PRDM7: variants seen among roughly 807,000 people sequenced by gnomAD.
The protein encoded by PRDM7 is histone-lysine N-methyltransferase PRDM7.
In PRDM7, 52 loss-of-function variants were observed where a neutral mutation model predicts 64.3. The observed-to-expected ratio is 0.81, with a 90% CI of 0.65 to 1.02. The LOEUF is 1.02. Among genes scored for constraint, PRDM7 ranks in the 50% least tolerant of loss-of-function variants. The pLI, the probability that PRDM7 is intolerant of heterozygous loss-of-function variation, is 0.00. For synonymous variants in PRDM7, 192 were observed against 210.1 expected, an observed-to-expected ratio of 0.91 and a Z score of 0.74; for missense variants, 574 against 597.1, an observed-to-expected ratio of 0.96 and a Z score of 0.40.
chr16:90,061,234 G>T (rs1214586470), intron 9 of PRDM7, among the ~76,000 whole-genome samples: 3 of 152,118 alleles, frequency 2.0e-5, no homozygotes, highest in Admixed American at 6.5e-5. Flanking sequence ...CCTCAATTTT[G>T]TCTAGCATAC....
chr16:90,067,924 G>A (rs1216920554), intron 4 of PRDM7, among the ~76,000 whole-genome samples: 2 of 151,246 alleles, frequency 1.3e-5, no homozygotes, highest in Non-Finnish European at 2.9e-5. Context: ...AGTCGATGAT[G>A]AAAAACTGAA....
intron 4 of PRDM7, among the ~76,000 whole-genome samples, chr16:90,070,643 C>T (rs1411869882): frequency 6.6e-6 from 1 of 151,234 alleles, no homozygotes; most frequent in Non-Finnish European, 1.5e-5. Flanking sequence ...ATTTCTTCTC[C>T]TTCCTGCTGT....
chr16:90,058,143 T>C lies in PRDM7; in HGVS notation c.*146A>G. On this transcript the variant is annotated 3_prime_UTR_variant, in exon 11 of 11. Coordinates refer to ENST00000449207, the MANE Select transcript of PRDM7 (RefSeq NM_001098173.2). ...TTCTTGAGATTCCTACCCCCACAAA[T>C]AATTTGCCTGTGTTCCCTGGATTCA... 8 of 1,614,202 alleles carry C rather than the reference T, an allele frequency of 5.0e-6. No individual in the cohort carries two copies. The highest frequency in any genetic ancestry group is 6.8e-6 in the Non-Finnish European group (8 of 1,180,030).
intron 6 of PRDM7, among the ~76,000 whole-genome samples, chr16:90,063,051 G>T (rs1302217644): frequency 6.6e-6 from 1 of 152,186 alleles, no homozygotes. Context: ...CCATTCAGGA[G>T]CCCATGGAAT....
chr16:90,062,360 C>T (rs767777799), intron 7 of PRDM7, 41 bp downstream of exon 7: 12 of 1,613,688 alleles, frequency 7.4e-6, no homozygotes, highest in Non-Finnish European at 8.5e-6. Context: ...TGTACCAGGA[C>T]ATAACAGCAA....
At chr16:90,062,603 C>G in intron 6 of PRDM7, 101 bp from the exon 7 acceptor site, 1 of 1,034,830 alleles carries the variant, frequency 9.7e-7, no homozygotes, top group Admixed American at 1.7e-5. Flanking sequence ...TTAGCATCTA[C>G]CTTTCTACAT....
At chr16:90,062,581 C>A in intron 6 of PRDM7, 79 bp from the exon 7 acceptor site, 1 of 1,235,200 alleles carries the variant, frequency 8.1e-7, no homozygotes. Context: ...TGTGAAATCT[C>A]CTACCATCAA....
rs367564286 is a variant in PRDM7 at position 90,058,454 on chromosome 16, G to A, written c.1314C>T (p.Asn438=). ...GGGAAGTTCTGAGAGGAGTGATTGC[G>A]TTCCACATGTTGACTGAGAAATTTT... ...QVKNFSVNMW[N]AITPLRTSQD... The change falls in exon 11 of 11, where the codon AAC becomes AAT. Residue 438 remains asparagine (N), a synonymous_variant. Coordinates refer to ENST00000449207, the MANE Select transcript of PRDM7 (RefSeq NM_001098173.2). 41 of 1,614,148 alleles carry A rather than the reference G, an allele frequency of 2.5e-5. No homozygotes were observed. The highest frequency in any genetic ancestry group is 1.6e-4 in the African/African-American group (12 of 75,030).
rs1461002070 is a variant in PRDM7, at chr16:90,063,751, T to A, written c.369A>T (p.Ser123=). ...SKHQKGMPKA[S]FNNESSLREL... ...CTCTCAAACTAGATTCATTATTGAATGACGCCTTGGGCATTCCCTTTAATG... is the reference window on the plus strand; with the variant it reads ...CTCTCAAACTAGATTCATTATTGAAAGACGCCTTGGGCATTCCCTTTAATG... Residue 123 remains serine, a synonymous_variant, in exon 6 of 11, where the codon TCA becomes TCT. Coordinates refer to ENST00000449207, the MANE Select transcript of PRDM7 (RefSeq NM_001098173.2). 5 of 1,614,124 alleles carry A rather than the reference T, an allele frequency of 3.1e-6. No individual in the cohort carries two copies. Among genetic ancestry groups the A allele is most frequent in the Non-Finnish European group, 4.2e-6 (5 of 1,180,042 alleles).
Position 90,061,457 on chromosome 16 carries a change from C to T in PRDM7, c.945G>A (p.Trp315Ter). The T allele has an allele frequency of 6.3e-7, 1 of 1,599,256 alleles. No homozygotes were observed. Among genetic ancestry groups the T allele is most frequent in the South Asian group, 1.1e-5 (1 of 90,760 alleles). Reference sequence around the variant, plus strand: ...AAGAGACCTAGTGGCCTTACCTCATCCAGTTGGCCGAGGATTTATCTTTTC... The same window carrying T: ...AAGAGACCTAGTGGCCTTACCTCATTCAGTTGGCCGAGGATTTATCTTTTC... ...VDGKDKSSANWMRYVNCARDD... is the reference protein window; with the variant it reads ...VDGKDKSSAN The change falls in exon 9 of 11, where the codon TGG (tryptophan) becomes TGA (stop). Residue 315 changes from tryptophan (W) to a stop codon, truncating the protein, a stop_gained. Coordinates refer to ENST00000449207, the MANE Select transcript of PRDM7 (RefSeq NM_001098173.2). LOFTEE classifies it high-confidence loss of function.
Position 90,075,317 on chromosome 16 carries a change from C to T in PRDM7, c.193+34G>A, listed in dbSNP as rs769586320. On this transcript the variant is annotated intron_variant, in intron 3 of 10. Transcript: ENST00000449207. This position sits in a 1 kb window ranked among gnomAD's most constrained non-coding sequence, Gnocchi z 4.3. ...GGGACCAAAGACCTGTTTTATATCG[C>T]CCAGGCTGGTCTGTGCCCAGCACTT... is the stretch of plus-strand genomic sequence containing the variant. The T allele has an allele frequency of 6.2e-7, 1 of 1,614,166 alleles. No homozygotes were observed. Among genetic ancestry groups the T allele is most frequent in the Non-Finnish European group, 8.5e-7 (1 of 1,180,004 alleles).
intron 5 of PRDM7, among the ~76,000 whole-genome samples, chr16:90,064,073 T>A (rs919870615): frequency 6.6e-6 from 1 of 152,146 alleles, no homozygotes; most frequent in Non-Finnish European, 1.5e-5. Flanking sequence ...GGATGAGGGC[T>A]TACAGAGAGA....
Position 90,058,032 on chromosome 16 carries a change from C to T in PRDM7, c.*257G>A. On this transcript the variant is annotated 3_prime_UTR_variant, in exon 11 of 11. Coordinates refer to ENST00000449207, the MANE Select transcript of PRDM7 (RefSeq NM_001098173.2). Reference sequence around the variant, plus strand: ...CACACTCTCTGCAGACGTAGGGCTTCCCCCCTGTGTGTGTCCTTTGGTGTG... The same window carrying T: ...CACACTCTCTGCAGACGTAGGGCTTTCCCCCTGTGTGTGTCCTTTGGTGTG... The T allele has an allele frequency of 3.1e-6, 5 of 1,610,354 alleles. No homozygotes were observed. In the South Asian group the frequency reaches 5.5e-5, roughly 18 times the overall value.
intron 4 of PRDM7, 108 bp downstream of exon 4, chr16:90,074,808 G>C: frequency 1.8e-6 from 2 of 1,085,784 alleles, no homozygotes; most frequent in Non-Finnish European, 1.4e-6. Flanking sequence ...GAACCTGGGA[G>C]GCAGAGGTTG....
In PRDM7 at chr16:90,062,403, A is replaced by G. The variant is rs2037796577; in HGVS notation, c.608T>C (p.Leu203Pro). ...GAGTGGCTGAAAGGGTCACTCACAG[A>G]GGTAGTCATCATCCTGTGGCTCGCT... ...EISEPQDDDYLYCEMCQNFFI... is the reference protein window; with the variant it reads ...EISEPQDDDYPYCEMCQNFFI... The change falls in exon 7 of 11, where the codon CTC becomes CCC. Residue 203 changes from leucine (L) to proline (P), a missense_variant and splice_region_variant. Transcript: ENST00000449207. 2 of 1,614,034 alleles carry G rather than the reference A, an allele frequency of 1.2e-6. No individual in the cohort carries two copies. The highest frequency in any genetic ancestry group is 1.7e-6 in the Non-Finnish European group (2 of 1,179,870).
In PRDM7 at chr16:90,062,433, T is replaced by C; in HGVS notation, c.578A>G (p.Glu193Gly). Residue 193 changes from glutamate (E) to glycine (G), a missense_variant, in exon 7 of 11, where the codon GAG becomes GGG. Coordinates refer to ENST00000449207, the MANE Select transcript of PRDM7 (RefSeq NM_001098173.2). Reference sequence around the variant, plus strand: ...GTCATCATCCTGTGGCTCGCTGATCTCTTTGTATGCATGACCCTTTCTTTC... The same window carrying C: ...GTCATCATCCTGTGGCTCGCTGATCCCTTTGTATGCATGACCCTTTCTTTC... Reference protein sequence around the residue: ...LRERKGHAYKEISEPQDDDYL... With the variant: ...LRERKGHAYKGISEPQDDDYL... 2 of 1,614,180 alleles carry C rather than the reference T, an allele frequency of 1.2e-6. No individual in the cohort carries two copies. Among genetic ancestry groups the C allele is most frequent in the Non-Finnish European group, 1.7e-6 (2 of 1,180,024 alleles).
At chr16:90,061,584 C>T (rs2037778813) in intron 8 of PRDM7, 65 bp from the exon 9 acceptor site, 1 of 1,522,114 alleles carries the variant, frequency 6.6e-7, no homozygotes, top group Non-Finnish European at 9.1e-7. Context: ...TATTTTACTC[C>T]ACGGTCATCA....
chr16:90,065,310 TTG>T (rs2037853762), intron 5 of PRDM7, among the ~76,000 whole-genome samples: 1 of 133,714 alleles, frequency 7.5e-6, no homozygotes, highest in Non-Finnish European at 1.6e-5. Flanking sequence ...GGAGAACAAC[TTG>T]AACCCAGGAG....
In PRDM7 at chr16:90,063,601, T is replaced by A; in HGVS notation, c.508+11A>T. Reference sequence around the variant, plus strand: ...ATAGAGGGACTAAATTCCCCTCAAATTTTTTCTTACCCAGTTTTAGTCTAG... The same window carrying A: ...ATAGAGGGACTAAATTCCCCTCAAAATTTTTCTTACCCAGTTTTAGTCTAG... On this transcript the variant is annotated intron_variant, in intron 6 of 10. Transcript: ENST00000449207. 1 of 1,612,486 alleles carries A rather than the reference T, an allele frequency of 6.2e-7. No homozygotes were observed.
Sources: allele counts gnomAD v4.1 joint callset (sites outside exome capture counted in the v4.1 genomes callset), GRCh38; gene constraint gnomAD v4.1.1; non-coding constraint Gnocchi (gnomAD v3.1); transcripts MANE v1.5; gene names NCBI Gene and HGNC (gene_info 2026-07-23, HGNC 2026-07-21).